The following LTBP3 variants were observed in gnomAD, a reference collection of about 807,000 sequenced individuals.
The protein encoded by LTBP3 is latent transforming growth factor beta binding protein 3.
LTBP3 carries 97 observed loss-of-function variants against 159.7 expected under a neutral mutation model. The observed-to-expected ratio is 0.61, with a 90% CI of 0.52 to 0.72. The LOEUF (loss-of-function observed/expected upper bound fraction) is 0.72, where lower values mean the gene tolerates loss of function less well. LTBP3 is among the 30% of genes least tolerant of loss of function. The probability of loss-of-function intolerance (pLI) is 0.00; values close to 1 mark genes in which losing one functional copy is unlikely to be tolerated. For synonymous variants in LTBP3, 824 were observed against 777.1 expected (o/e 1.06, Z -1.00); for missense variants, 1,584 against 1,864.3 (o/e 0.85, Z 2.77).
At chr11:65,550,661 T>TA (rs11306484) in intron 11 of LTBP3, among the ~76,000 whole-genome samples, 2 of 148,010 alleles carry the variant, frequency 1.4e-5, no homozygotes, top group African/African-American at 5.0e-5. Flanking sequence ...CCGTCTCTAC[T>TA]AAAAAAAAAA....
rs541755996 is a variant in LTBP3, at chr11:65,538,706, C to T, written c.*374G>A. ...AGCCACAATAAATTCTATTTCACAC[C>T]CCTTGTGCCGGGCTCAGTCTAGCCC... is the stretch of plus-strand genomic sequence containing the variant. On this transcript the variant is annotated 3_prime_UTR_variant, in exon 28 of 28. Transcript: ENST00000301873. 3.7e-3 allele frequency: 4,373 copies of T among 1,180,288 alleles called. 14 individuals are homozygous for T. The highest frequency in any genetic ancestry group is 4.6e-3 in the Non-Finnish European group (3,958 of 862,574). 73.1% of individuals were successfully genotyped at this position (1,180,288 alleles called of 1,614,324 possible).
Position 65,539,343 on chromosome 11 carries a change from G to T in LTBP3, c.3745C>A (p.Arg1249Ser). 6.6e-7 allele frequency: 1 copy of T among 1,523,492 alleles called. No homozygotes were observed. Among genetic ancestry groups the T allele is most frequent in the Non-Finnish European group, 8.8e-7 (1 of 1,132,890 alleles). The allele number at this position is 1,523,492 out of a possible 1,614,324, so 94.4% of individuals were successfully genotyped here. The change falls in exon 27 of 28, where the codon CGC (arginine) becomes AGC (serine). Residue 1249 changes from arginine (R) to serine (S), a missense_variant. This residue lies in a region of LTBP3 where 514 missense variants were observed against 530.3 expected (regional missense o/e 0.97). Coordinates refer to ENST00000301873, the MANE Select transcript of LTBP3 (RefSeq NM_001130144.3). ...CPGGFQLDAS[R>S]ARCVDIDECR... is the part of the protein sequence containing the mutation. ...CCCGGCTCACCCACGCAGCGGGCGC[G>T]GGAGGCGTCGAGCTGGAAGCCGCCG...
At chr11:65,551,100 G>C (rs755112916) in intron 11 of LTBP3, 26 bp downstream of exon 11, 1 of 1,541,934 alleles carries the variant, frequency 6.5e-7, no homozygotes, top group Non-Finnish European at 8.8e-7. Context: ...GCCTAGGCAG[G>C]GGTGGCTTTG....
Position 65,547,021 on chromosome 11 carries a change from G to C in LTBP3, c.2108-101C>G. ...GACTTCCTCCCACACAGATCAACGAGGCTCCCGGACCCCAACCTCTGAGAG... is the reference window on the plus strand; with the variant it reads ...GACTTCCTCCCACACAGATCAACGACGCTCCCGGACCCCAACCTCTGAGAG... On this transcript the variant is annotated intron_variant, in intron 14 of 27. Coordinates refer to ENST00000301873, the MANE Select transcript of LTBP3 (RefSeq NM_001130144.3). This position sits in a 1 kb window ranked among gnomAD's most constrained non-coding sequence, Gnocchi z 4.6. The C allele has an allele frequency of 1.9e-6, 3 of 1,543,070 alleles. No individual in the cohort carries two copies. Among genetic ancestry groups the C allele is most frequent in the Non-Finnish European group, 2.6e-6 (3 of 1,134,962 alleles).
Position 65,539,145 on chromosome 11 carries a change from C to T in LTBP3, c.3847G>A (p.Val1283Ile). The T allele has an allele frequency of 2.0e-6, 3 of 1,490,676 alleles. No individual in the cohort carries two copies. The highest frequency in any genetic ancestry group is 2.7e-6 in the Non-Finnish European group (3 of 1,115,924). 92.3% of individuals were successfully genotyped at this position (1,490,676 alleles called of 1,614,324 possible). The change falls in exon 28 of 28, where the codon GTC becomes ATC. Residue 1283 changes from valine (V) to isoleucine (I), a missense_variant. Around this residue, in one of 6 missense-constraint regions of LTBP3, gnomAD observed 514 missense variants for 530.3 expected, o/e 0.97. Transcript: ENST00000301873. ...CTGCGCGCGAAGCCGGCTTTGCAGA[C>T]GCAGCGGAAGGAGCCGCTGGTGTTC... is the stretch of plus-strand genomic sequence containing the variant. ...CVNTSGSFRCVCKAGFARSRP... is the reference protein window; with the variant it reads ...CVNTSGSFRCICKAGFARSRP...
rs144309426 is a variant in LTBP3, at chr11:65,543,523, C to G, written c.2380G>C (p.Val794Leu). The change falls in exon 17 of 28, where the codon GTG becomes CTG. Residue 794 changes from valine (V) to leucine (L), a missense_variant. Transcript: ENST00000301873. The part of the protein sequence containing the change: ...LDVDECEAGD[V>L]CDNGICSNTP... Reference sequence around the variant, plus strand: ...TTGCTGCAGATGCCATTGTCACACACGTCCCCAGCCTCACACTCGTCCACA... The same window carrying G: ...TTGCTGCAGATGCCATTGTCACACAGGTCCCCAGCCTCACACTCGTCCACA... The G allele has an allele frequency of 2.5e-6, 4 of 1,614,102 alleles. No homozygotes were observed. Among genetic ancestry groups the G allele is most frequent in the Middle Eastern group, 1.6e-4 (1 of 6,062 alleles).
Position 65,552,988 on chromosome 11 carries a change from G to A in LTBP3, c.1064-6C>T. On this transcript the variant is annotated splice_polypyrimidine_tract_variant and splice_region_variant and intron_variant, in intron 5 of 27. Coordinates refer to ENST00000301873, the MANE Select transcript of LTBP3 (RefSeq NM_001130144.3). The surrounding 1 kb of genome is among the most constrained non-coding windows in gnomAD (Gnocchi z 6.0). The stretch of plus-strand genomic sequence containing the variant: ...CATTGCGCACTCGTTGATGTCTGTG[G>A]TAAGTGGAAGTTTGGCCCCTCTGGT... 5.0e-6 allele frequency: 8 copies of A among 1,614,208 alleles called. No homozygotes were observed. Among genetic ancestry groups the A allele is most frequent in the African/African-American group, 1.3e-5 (1 of 75,058 alleles).
At chr11:65,539,673 C>A in intron 25 of LTBP3, 45 bp from the exon 26 acceptor site, 1 of 1,584,632 alleles carries the variant, frequency 6.3e-7, no homozygotes, top group East Asian at 2.3e-5. Context: ...TCCCCGGGCC[C>A]TGGCCCCCAT....
chr11:65,553,800 G>T lies in LTBP3; in HGVS notation c.765C>A (p.Pro255=). 6.4e-7 allele frequency: 1 copy of T among 1,564,054 alleles called. No homozygotes were observed. The highest frequency in any genetic ancestry group is 2.3e-5 in the East Asian group (1 of 43,146). ...IESSNAESAA[P]SQHLLPHPKP... ...TGGGGTGCGGCAGCAGGTGCTGGGA[G>T]GGGGCTGCGCTCTCGGCGTTCGAGC... Residue 255 remains proline (P), a synonymous_variant, in exon 3 of 28, where the codon CCC becomes CCA. Transcript: ENST00000301873. This position sits in a 1 kb window ranked among gnomAD's most constrained non-coding sequence, Gnocchi z 6.5.
In LTBP3 at chr11:65,539,753, C is replaced by T. The variant is rs769061467; in HGVS notation, c.3514G>A (p.Ala1172Thr). The T allele has an allele frequency of 4.1e-5, 64 of 1,543,676 alleles. No homozygotes were observed. Among genetic ancestry groups the T allele is most frequent in the Non-Finnish European group, 3.5e-6 (4 of 1,152,000 alleles). The change falls in exon 25 of 28, where the codon GCC becomes ACC. Residue 1172 changes from alanine to threonine, a missense_variant. Physicochemically the swap from Ala to Thr is moderately conservative, Grantham distance 58 (BLOSUM62 0). Around this residue, in one of 6 missense-constraint regions of LTBP3, gnomAD observed 514 missense variants for 530.3 expected, o/e 0.97. Coordinates refer to ENST00000301873, the MANE Select transcript of LTBP3 (RefSeq NM_001130144.3). ...CGCGGCGGGCACGGTCGGCATTGGG[C>T]GCCCCAGCCGCGGCCCTGGCGGCAG... ...CCCRQGRGWGAQCRPCPPRGA... is the reference protein window; with the variant it reads ...CCCRQGRGWGTQCRPCPPRGA...
At chr11:65,540,827 C>T (rs1856097471) in intron 21 of LTBP3, 44 bp downstream of exon 21, 8 of 1,580,852 alleles carry the variant, frequency 5.1e-6, no homozygotes, top group East Asian at 4.5e-5. Flanking sequence ...GAGCCCAACC[C>T]GGGGTGAGAG....
Position 65,552,992 on chromosome 11 carries a change from G to A in LTBP3, c.1064-10C>T, listed in dbSNP as rs202221935. The stretch of plus-strand genomic sequence containing the variant: ...GCGCACTCGTTGATGTCTGTGGTAA[G>A]TGGAAGTTTGGCCCCTCTGGTCTGG... On this transcript the variant is annotated splice_polypyrimidine_tract_variant and intron_variant, in intron 5 of 27. Transcript: ENST00000301873. This position sits in a 1 kb window ranked among gnomAD's most constrained non-coding sequence, Gnocchi z 6.0. 1,029 of 1,614,076 alleles carry A rather than the reference G, an allele frequency of 6.4e-4. 2 individuals are homozygous for A. Among genetic ancestry groups the A allele is most frequent in the Non-Finnish European group, 5.2e-4 (610 of 1,180,038 alleles).
At position 65,539,161 on chromosome 11, in the gene LTBP3, G is replaced by A. The variant is rs1310369089; in HGVS notation, c.3831C>T (p.Ser1277=). ...LCKSERCVNT[S]GSFRCVCKAG... Reference sequence around the variant, plus strand: ...CTTTGCAGACGCAGCGGAAGGAGCCGCTGGTGTTCACGCAGCGCTCGCTCT... The same window carrying A: ...CTTTGCAGACGCAGCGGAAGGAGCCACTGGTGTTCACGCAGCGCTCGCTCT... The change falls in exon 28 of 28, where the codon AGC becomes AGT. Residue 1277 remains serine, a synonymous_variant. Transcript: ENST00000301873. The A allele has an allele frequency of 3.3e-6, 5 of 1,503,494 alleles. No individual in the cohort carries two copies. Among genetic ancestry groups the A allele is most frequent in the Admixed American group, 2.1e-5 (1 of 48,266 alleles). 93.1% of individuals were successfully genotyped at this position (1,503,494 alleles called of 1,614,324 possible).
At position 65,540,297 on chromosome 11, in the gene LTBP3, G is replaced by A; in HGVS notation, c.3192C>T (p.Pro1064=). The A allele has an allele frequency of 6.4e-7, 1 of 1,562,532 alleles. No homozygotes were observed. The highest frequency in any genetic ancestry group is 1.2e-5 in the South Asian group (1 of 85,054). Residue 1064 remains proline, a synonymous_variant, in exon 23 of 28, where the codon CCC becomes CCT. Coordinates refer to ENST00000301873, the MANE Select transcript of LTBP3 (RefSeq NM_001130144.3). ...TRGGYRCACT[P]PAEYSPAQRQ... ...GCTGCGCGGGACTGTACTCGGCAGG[G>A]GGCGTGCAGGCACAGCGGTAGCCGC...
Position 65,546,896 on chromosome 11 carries a change from C to T in LTBP3, c.2132G>A (p.Ser711Asn), listed in dbSNP as rs776231006. The stretch of plus-strand genomic sequence containing the variant: ...CTCGCATTTGCCATCCGGGCAAGAG[C>T]TTGGGTCCCGGCACTCGTCGATGTC... ...CEDIDECRDP[S>N]SCPDGKCENK... Residue 711 changes from serine to asparagine, a missense_variant, in exon 15 of 28, where the codon AGC (serine) becomes AAC (asparagine). By Grantham distance (46) the Ser-to-Asn change is conservative. Coordinates refer to ENST00000301873, the MANE Select transcript of LTBP3 (RefSeq NM_001130144.3). This position sits in a 1 kb window ranked among gnomAD's most constrained non-coding sequence, Gnocchi z 4.0. 1.9e-6 allele frequency: 3 copies of T among 1,612,438 alleles called. No individual in the cohort carries two copies. The African/African-American group carries it at 4.0e-5, about 22-fold the overall frequency.
chr11:65,552,397 G>A lies in LTBP3; in HGVS notation c.1196C>T (p.Pro399Leu), dbSNP rs764981765. ...GCGGAAACACAGGCTCTTCTCCTCC[G>A]GTTTGTCTGCTGCAGGGGCCAGTGG... is the stretch of plus-strand genomic sequence containing the variant. ...PSRTQCIADK[P>L]EEKSLCFRLV... The change falls in exon 7 of 28, where the codon CCG becomes CTG. Residue 399 changes from proline to leucine, a missense_variant. This residue lies in a region of LTBP3 where 156 missense variants were observed against 259.7 expected (regional missense o/e 0.60). Transcript: ENST00000301873. This position sits in a 1 kb window ranked among gnomAD's most constrained non-coding sequence, Gnocchi z 6.0. The A allele has an allele frequency of 1.8e-5, 29 of 1,613,406 alleles. No homozygotes were observed. The highest frequency in any genetic ancestry group is 3.3e-5 in the South Asian group (3 of 91,074).
At position 65,553,609 on chromosome 11, in the gene LTBP3, C is replaced by T. The variant is rs1351075371; in HGVS notation, c.865-79G>A. ...TGTTAGGGTTGGGCCTTTTCCTCTT[C>T]CCCCGCCCCTCAGTTTTCTGCTATC... On this transcript the variant is annotated intron_variant, in intron 3 of 27. Transcript: ENST00000301873. The surrounding 1 kb of genome is among the most constrained non-coding windows in gnomAD (Gnocchi z 6.5). The T allele has an allele frequency of 4.6e-6, 7 of 1,507,138 alleles. No homozygotes were observed. The highest frequency in any genetic ancestry group is 2.8e-5 in the African/African-American group (2 of 72,598). 93.4% of individuals were successfully genotyped at this position (1,507,138 alleles called of 1,614,324 possible).
At position 65,553,635 on chromosome 11, in the gene LTBP3, C is replaced by A; in HGVS notation, c.864+66G>T. 6.6e-7 allele frequency: 1 copy of A among 1,526,444 alleles called. No homozygotes were observed. The highest frequency in any genetic ancestry group is 1.2e-5 in the South Asian group (1 of 85,230). The allele number at this position is 1,526,444 out of a possible 1,614,324, so 94.6% of individuals were successfully genotyped here. ...CCCCGCCCCTCAGTTTTCTGCTATC[C>A]GAGTGAGTTGGGGCAGAGCAACCCT... On this transcript the variant is annotated intron_variant, in intron 3 of 27. Transcript: ENST00000301873. The surrounding 1 kb of genome is among the most constrained non-coding windows in gnomAD (Gnocchi z 6.5).
intron 11 of LTBP3, 72 bp downstream of exon 11, chr11:65,551,054 G>A: frequency 8.1e-7 from 1 of 1,231,912 alleles, no homozygotes; most frequent in Non-Finnish European, 1.2e-6. Flanking sequence ...ATGCCTGGGG[G>A]CGGGAGGGAG....
Sources: gnomAD v4.1 joint callset for allele counts (sites outside exome capture counted in the v4.1 genomes callset) on GRCh38, gnomAD v4.1.1 for gene constraint, gnomAD v4.1.1 regional missense constraint, Gnocchi (gnomAD v3.1) non-coding constraint, MANE v1.5 for transcripts, NCBI Gene and HGNC (gene_info 2026-07-23, HGNC 2026-07-21) for gene names.